Variants in CAST observed in about 807,000 individuals in gnomAD.
The protein encoded by CAST is calpastatin, also known as MIR583 host.
In CAST, 76 loss-of-function variants were observed where a neutral mutation model predicts 119.6. The observed-to-expected ratio is 0.64, with a 90% CI of 0.53 to 0.77. The LOEUF is 0.77. CAST is among the 30% of genes least tolerant of loss of function. The pLI is 0.00. For synonymous variants in CAST, 319 were observed against 331.6 expected (o/e 0.96, Z 0.41); for missense variants, 953 against 946.5 (o/e 1.01, Z -0.09).
At chr5:96,410,719 C>T in the CAST span, 1 of 1,386,278 alleles carries the variant, frequency 7.2e-7, no homozygotes, top group East Asian at 2.3e-5. Context: ...AATCATTTCA[C>T]ATGCATGCCA....
intron 1 of CAST, among the ~76,000 whole-genome samples, chr5:96,641,462 C>G (rs1013135649): frequency 6.6e-6 from 1 of 152,094 alleles, no homozygotes; most frequent in Admixed American, 6.5e-5. Flanking sequence ...AAACTCCACT[C>G]TTGAGAATCG....
chr5:96,121,314 T>C, the CAST span, among the ~76,000 whole-genome samples: 1 of 152,126 alleles, frequency 6.6e-6, no homozygotes, highest in Non-Finnish European at 1.5e-5. Flanking sequence ...TGGCACAGAA[T>C]AGGCACATAA....
chr5:96,228,757 G>A, the CAST span, among the ~76,000 whole-genome samples: 3 of 152,250 alleles, frequency 2.0e-5, no homozygotes, highest in East Asian at 5.8e-4. Context: ...AAAGTTGACT[G>A]TATTTCAAAA....
chr5:96,098,932 A>G, the CAST span, among the ~76,000 whole-genome samples: 1 of 152,100 alleles, frequency 6.6e-6, no homozygotes, highest in Admixed American at 6.5e-5. Flanking sequence ...CATTTTCACG[A>G]TATTGATTTT....
chr5:96,391,133 T>A, the CAST span: 1 of 152,232 alleles, frequency 6.6e-6, no homozygotes, highest in African/African-American at 2.4e-5. Context: ...AAACAATATA[T>A]GAAACTTCCA....
the CAST span, among the ~76,000 whole-genome samples, chr5:96,015,663 GCTTACTATTTAA>G: frequency 2.0e-5 from 3 of 152,122 alleles, no homozygotes; most frequent in African/African-American, 7.2e-5. Context: ...TGATGGTAAT[GCTTACTATTTAA>G]TATATGTCGA....
chr5:96,621,472 A>G (rs1747601895), intron 1 of CAST, among the ~76,000 whole-genome samples: 1 of 152,234 alleles, frequency 6.6e-6, no homozygotes, highest in Admixed American at 6.5e-5. Context: ...CAGGAAACTT[A>G]CAGTCATGGT....
At chr5:96,454,143 T>A in the CAST span, among the ~76,000 whole-genome samples, 15 of 152,316 alleles carry the variant, frequency 9.8e-5, no homozygotes, top group African/African-American at 3.6e-4. Context: ...TTGTAGCCTA[T>A]CTATGTGTTG....
chr5:96,440,061 T>C, the CAST span, among the ~76,000 whole-genome samples: 1 of 152,144 alleles, frequency 6.6e-6, no homozygotes, highest in Non-Finnish European at 1.5e-5. Flanking sequence ...AACAAAAATC[T>C]GGTTTTCTGG....
At chr5:96,141,801 C>T in the CAST span, among the ~76,000 whole-genome samples, 2 of 152,192 alleles carry the variant, frequency 1.3e-5, no homozygotes, top group Admixed American at 1.3e-4. Flanking sequence ...TACTTACAAC[C>T]CTACGACCAA....
chr5:96,035,069 GTATATA>G, the CAST span, among the ~76,000 whole-genome samples: 36 of 131,326 alleles, frequency 2.7e-4, no homozygotes, highest in African/African-American at 9.1e-4. Flanking sequence ...ATATATTTAA[GTATATA>G]TATATATATA....
chr5:96,469,879 A>ATAATAT, the CAST span, among the ~76,000 whole-genome samples: 41 of 107,408 alleles, frequency 3.8e-4, no homozygotes, highest in African/African-American at 9.8e-4. Flanking sequence ...ATATATATAT[A>ATAATAT]ATATATATAT....
At chr5:96,093,236 C>T in the CAST span, among the ~76,000 whole-genome samples, 1 of 152,086 alleles carries the variant, frequency 6.6e-6, no homozygotes, top group African/African-American at 2.4e-5. Context: ...GTTATGGAGA[C>T]AAGTCTAGGG....
chr5:96,302,305 A>G, the CAST span, among the ~76,000 whole-genome samples: 1 of 152,080 alleles, frequency 6.6e-6, no homozygotes, highest in Admixed American at 6.6e-5. Context: ...TTTCCCTCCT[A>G]GACTTCCAGG....
the CAST span, among the ~76,000 whole-genome samples, chr5:96,497,383 G>A: frequency 6.6e-6 from 1 of 152,230 alleles, no homozygotes; most frequent in South Asian, 2.1e-4. Flanking sequence ...CCCAGTAATG[G>A]GATTGCTGAG....
chr5:96,337,645 G>A, the CAST span, among the ~76,000 whole-genome samples: 2 of 152,202 alleles, frequency 1.3e-5, no homozygotes, highest in African/African-American at 4.8e-5. Context: ...GTGCACCATG[G>A]TTATGATGCT....
At chr5:96,418,223 A>G in the CAST span, among the ~76,000 whole-genome samples, 1 of 152,186 alleles carries the variant, frequency 6.6e-6, no homozygotes, top group Non-Finnish European at 1.5e-5. Flanking sequence ...AAGTGTTCCT[A>G]TGTCATTCTT....
chr5:96,163,422 A>G, the CAST span, among the ~76,000 whole-genome samples: 57 of 152,178 alleles, frequency 3.7e-4, no homozygotes, highest in Admixed American at 3.7e-3. Context: ...ACAGACATTC[A>G]GGCTGTTTCC....
At chr5:96,648,949 G>A (rs1748058234) in intron 1 of CAST, among the ~76,000 whole-genome samples, 1 of 152,108 alleles carries the variant, frequency 6.6e-6, no homozygotes, top group Admixed American at 6.5e-5. Context: ...TCTGGCACAT[G>A]GTGGATACAG....
Sources: allele counts gnomAD v4.1 joint callset (sites outside exome capture counted in the v4.1 genomes callset), GRCh38; gene constraint gnomAD v4.1.1; transcripts MANE v1.5; gene names NCBI Gene and HGNC (gene_info 2026-07-23, HGNC 2026-07-21).